PHF2: variants seen among roughly 807,000 people sequenced by gnomAD.
PHF2 encodes PHD finger protein 2.
In PHF2, 27 loss-of-function variants were observed where a neutral mutation model predicts 120.5. The ratio of observed to expected loss-of-function variants is 0.22; its 90% CI spans 0.17 to 0.31. The LOEUF (loss-of-function observed/expected upper bound fraction) is 0.31. Among genes scored for constraint, PHF2 ranks in the 10% least tolerant of loss-of-function variants. The pLI is 1.00. For synonymous variants in PHF2, 568 were observed against 592.5 expected (o/e 0.96, Z 0.60); for missense variants, 1,024 against 1,434.8 (o/e 0.71, Z 4.63).
intron 1 of PHF2, among the ~76,000 whole-genome samples, chr9:93,605,939 T>G (rs1825535065): frequency 6.6e-6 from 1 of 152,176 alleles, no homozygotes; most frequent in South Asian, 2.1e-4. Context: ...GTATAATGAT[T>G]GCTGGATCAT....
rs1446638917 is a variant in PHF2 at position 93,677,360 on chromosome 9, C to G, written c.3203-228C>G. On this transcript the variant is annotated intron_variant, in intron 21 of 21. Coordinates refer to ENST00000359246, the MANE Select transcript of PHF2 (RefSeq NM_005392.4). This position sits in a 1 kb window ranked among gnomAD's most constrained non-coding sequence, Gnocchi z 4.4. ...ATCCCCAAGCCCATGTCCATCCTAC[C>G]TGCCAGGGCCCCTTGAGGACACGGC... Among the ~76,000 whole-genome samples, 1 of 151,908 alleles carries G rather than the reference C, an allele frequency of 6.6e-6. No homozygotes were observed. Among genetic ancestry groups the G allele is most frequent in the Non-Finnish European group, 1.5e-5 (1 of 67,986 alleles).
At position 93,615,305 on chromosome 9, in the gene PHF2, T is replaced by A. The variant is rs1460502691; in HGVS notation, c.99-14665T>A. 3.5e-5 allele frequency among the ~76,000 whole-genome samples: 5 copies of A among 144,426 alleles called. No homozygotes were observed. The East Asian group carries it at 1.1e-3, about 31-fold the overall frequency. The allele number at this position is 144,426 out of a possible 152,430, so 94.7% of individuals were successfully genotyped here. A position where few individuals can be genotyped will look rare whatever the true frequency, so the allele number is the denominator to read the frequency against. ...AGTAATGATGGTGATGGTGATGATG[T>A]GTGATAGTGATAGTGATGATGGTGA... On this transcript the variant is annotated intron_variant, in intron 1 of 21. Coordinates refer to ENST00000359246, the MANE Select transcript of PHF2 (RefSeq NM_005392.4).
At chr9:93,645,446 G>A (rs1826239985) in intron 3 of PHF2, among the ~76,000 whole-genome samples, 183 bp from the exon 4 acceptor site, 1 of 152,246 alleles carries the variant, frequency 6.6e-6, no homozygotes, top group Admixed American at 6.5e-5. Flanking sequence ...GAGTCAGCAC[G>A]GCATCTGCCC....
chr9:93,607,396 C>T (rs531836970), intron 1 of PHF2, among the ~76,000 whole-genome samples: 27 of 151,812 alleles, frequency 1.8e-4, no homozygotes, highest in African/African-American at 6.3e-4. Flanking sequence ...CTCAGCCTCC[C>T]GAGTAGCTGG....
chr9:93,605,862 A>G (rs1224699910), intron 1 of PHF2, among the ~76,000 whole-genome samples: 26 of 152,256 alleles, frequency 1.7e-4, no homozygotes, highest in Non-Finnish European at 3.5e-4. Flanking sequence ...TAAAGCTGCT[A>G]TAAACATCCA....
At chr9:93,648,013 A>G (rs1826291480) in intron 4 of PHF2, among the ~76,000 whole-genome samples, 1 of 152,254 alleles carries the variant, frequency 6.6e-6, no homozygotes, top group Non-Finnish European at 1.5e-5. Context: ...TATTAACAGT[A>G]ATTCCTTGGT....
chr9:93,661,996 GATAA>G (rs1201122491), intron 12 of PHF2, among the ~76,000 whole-genome samples: 1 of 151,524 alleles, frequency 6.6e-6, no homozygotes, highest in Non-Finnish European at 1.5e-5. Context: ...TGGATGGGTG[GATAA>G]ATGAATGGAT....
intron 1 of PHF2, among the ~76,000 whole-genome samples, chr9:93,612,112 C>T (rs73651290): frequency 1.3e-5 from 2 of 152,224 alleles, no homozygotes; most frequent in Non-Finnish European, 2.9e-5. Flanking sequence ...AATATACATC[C>T]TGGAAATTGT....
chr9:93,667,187 G>A lies in PHF2; in HGVS notation c.2295G>A (p.Leu765=), dbSNP rs377662479. 2.5e-6 allele frequency: 4 copies of A among 1,612,826 alleles called. No individual in the cohort carries two copies. In the Admixed American group the frequency reaches 5.0e-5, roughly 20 times the overall value. The change falls in exon 17 of 22, where the codon TTG becomes TTA. Residue 765 remains leucine (L), a synonymous_variant. Coordinates refer to ENST00000359246, the MANE Select transcript of PHF2 (RefSeq NM_005392.4). ...GTGGGAGCTCGGCAGCTGGCATCTT[G>A]GACCTGCTGCAGGCCAGTGAGGAGG... ...KESGSSAAGI[L]DLLQASEEVG... is the part of the protein sequence containing the mutation.
chr9:93,593,163 A>G (rs1048510991), intron 1 of PHF2, among the ~76,000 whole-genome samples: 1 of 151,292 alleles, frequency 6.6e-6, no homozygotes, highest in African/African-American at 2.4e-5. Context: ...AGGACGGGAC[A>G]TGGCAGCACC....
intron 1 of PHF2, among the ~76,000 whole-genome samples, chr9:93,595,696 A>G (rs1485768553): frequency 1.3e-5 from 2 of 152,246 alleles, no homozygotes; most frequent in Non-Finnish European, 2.9e-5. Flanking sequence ...CACTGGGCAT[A>G]TGTGTGTATA....
At chr9:93,579,528 G>A (rs1004609121) in intron 1 of PHF2, among the ~76,000 whole-genome samples, 2 of 152,140 alleles carry the variant, frequency 1.3e-5, no homozygotes, top group South Asian at 2.1e-4. Flanking sequence ...ACTTAATGTC[G>A]TTTTTCTGTT....
chr9:93,649,089 A>G lies in PHF2; in HGVS notation c.479A>G (p.Asp160Gly), dbSNP rs2117896117. 1.9e-6 allele frequency: 3 copies of G among 1,551,330 alleles called. No individual in the cohort carries two copies. Among genetic ancestry groups the G allele is most frequent in the African/African-American group, 1.4e-5 (1 of 73,054 alleles). ...ENYVGPERSV[D>G]VTDVTKQKDC... is the part of the protein sequence containing the mutation. ...TCCCTAGGGCCGGAACGGAGTGTGG[A>G]TGTGACAGATGTCACCAAGCAGAAG... The change falls in exon 5 of 22, where the codon GAT (aspartate) becomes GGT (glycine). Residue 160 changes from aspartate to glycine, a missense_variant. Physicochemically the swap from Asp to Gly is moderately conservative, Grantham distance 94 (BLOSUM62 -1). Around this residue, in one of 2 missense-constraint regions of PHF2, gnomAD observed 347 missense variants for 577.4 expected, o/e 0.60. Coordinates refer to ENST00000359246, the MANE Select transcript of PHF2 (RefSeq NM_005392.4).
intron 16 of PHF2, 74 bp from the exon 17 acceptor site, chr9:93,667,006 T>C (rs1587718038): frequency 3.2e-6 from 4 of 1,268,622 alleles, no homozygotes. Flanking sequence ...GGAAAAAGTA[T>C]CCTCCTCCCA....
At chr9:93,614,263 G>A (rs1361733801) in intron 1 of PHF2, among the ~76,000 whole-genome samples, 1 of 152,226 alleles carries the variant, frequency 6.6e-6, no homozygotes, top group African/African-American at 2.4e-5. Flanking sequence ...TCACCCAGGA[G>A]CAGGGCATTT....
At chr9:93,581,328 G>C (rs185460144) in intron 1 of PHF2, among the ~76,000 whole-genome samples, 88 of 152,294 alleles carry the variant, frequency 5.8e-4, no homozygotes, top group African/African-American at 2.1e-3. Context: ...GTGTGTGTGC[G>C]AGAGGGAAGG....
At chr9:93,619,582 T>TC (rs1825790726) in intron 1 of PHF2, among the ~76,000 whole-genome samples, 1 of 151,494 alleles carries the variant, frequency 6.6e-6, no homozygotes, top group Non-Finnish European at 1.5e-5. Flanking sequence ...TGGCCTGTGC[T>TC]CCACGCCTGC....
chr9:93,622,370 G>A (rs1160487185), intron 1 of PHF2, among the ~76,000 whole-genome samples: 2 of 152,252 alleles, frequency 1.3e-5, no homozygotes, highest in Non-Finnish European at 2.9e-5. Context: ...GCAACTTTAA[G>A]TAGCATTGCA....
Position 93,676,617 on chromosome 9 carries a change from A to T in PHF2, c.2856A>T (p.Lys952Asn). The change falls in exon 21 of 22, where the codon AAA becomes AAT. Residue 952 changes from lysine (K) to asparagine (N), a missense_variant. Coordinates refer to ENST00000359246, the MANE Select transcript of PHF2 (RefSeq NM_005392.4). The part of the protein sequence containing the change: ...SQQEEQKSKK[K>N]KSAKRKLTPN... ...AGGAGGAGCAGAAAAGCAAGAAAAAAAAGAGTGCCAAGAGGAAGCTGACTC... is the reference window on the plus strand; with the variant it reads ...AGGAGGAGCAGAAAAGCAAGAAAAATAAGAGTGCCAAGAGGAAGCTGACTC... 6.2e-7 allele frequency: 1 copy of T among 1,601,752 alleles called. No homozygotes were observed. The highest frequency in any genetic ancestry group is 8.5e-7 in the Non-Finnish European group (1 of 1,171,136).
Sources: allele counts gnomAD v4.1 joint callset (sites outside exome capture counted in the v4.1 genomes callset), GRCh38; gene constraint gnomAD v4.1.1; regional missense constraint gnomAD v4.1.1; non-coding constraint Gnocchi (gnomAD v3.1); transcripts MANE v1.5; gene names NCBI Gene and HGNC (gene_info 2026-07-23, HGNC 2026-07-21).